KIAA1671: variants seen among roughly 807,000 people sequenced by gnomAD.
KIAA1671 encodes uncharacterized protein KIAA1671.
A neutral mutation model predicts 131.2 loss-of-function variants in KIAA1671; 52 were observed. That is an observed-to-expected ratio of 0.40 (90% CI 0.32 to 0.50). The LOEUF is 0.50. Ranked by LOEUF, KIAA1671 falls within the 20% of genes least tolerant of loss-of-function variation. The pLI is 0.73. For missense variants in KIAA1671, 2,360 were observed against 2,364.2 expected, an observed-to-expected ratio of 1.00 and a Z score of 0.04; for synonymous variants, 1,003 against 961.6, an observed-to-expected ratio of 1.04 and a Z score of -0.80.
chr22:25,042,473 T>G (rs933200666), intron 5 of KIAA1671, among the ~76,000 whole-genome samples: 1 of 147,204 alleles, frequency 6.8e-6, no homozygotes, highest in Non-Finnish European at 1.5e-5. Context: ...GTTTTTTTTT[T>G]TTTTTTTTTT....
At chr22:25,066,463 A>G (rs926412182) in intron 6 of KIAA1671, among the ~76,000 whole-genome samples, 6 of 152,152 alleles carry the variant, frequency 3.9e-5, no homozygotes, top group Non-Finnish European at 8.8e-5. Context: ...GCCCTTTTAT[A>G]TGGGCATCAG....
intron 6 of KIAA1671, 36 bp downstream of exon 6, chr22:25,049,400 G>A (rs200650823): frequency 1.3e-6 from 2 of 1,536,172 alleles, no homozygotes; most frequent in Admixed American, 3.9e-5. Context: ...GGATTGCACA[G>A]GGGTGCTGGT....
chr22:25,175,680 G>A (rs968126636), intron 8 of KIAA1671: 1 of 152,168 alleles, frequency 6.6e-6, no homozygotes, highest in Non-Finnish European at 1.5e-5. Context: ...ACGCTAAGTG[G>A]TTCCTTCTTG....
intron 6 of KIAA1671, among the ~76,000 whole-genome samples, chr22:25,121,406 G>C (rs970292453): frequency 2.7e-5 from 4 of 150,634 alleles, no homozygotes; most frequent in African/African-American, 9.8e-5. Flanking sequence ...AGCCTGCAGT[G>C]AGCCAAGATC....
At chr22:25,008,622 C>T (rs2123872889) in intron 1 of KIAA1671, among the ~76,000 whole-genome samples, 1 of 152,288 alleles carries the variant, frequency 6.6e-6, no homozygotes, top group South Asian at 2.1e-4. Context: ...CCTTGTTGTC[C>T]TCATCCATGA....
At chr22:25,115,995 C>T (rs1931635077) in intron 6 of KIAA1671, among the ~76,000 whole-genome samples, 2 of 152,102 alleles carry the variant, frequency 1.3e-5, no homozygotes, top group South Asian at 2.1e-4. Context: ...AGGCTGGTCT[C>T]GAACTCCTGA....
Position 25,032,669 on chromosome 22 carries a change from C to G in KIAA1671, c.1602C>G (p.Gly534=). The G allele has an allele frequency of 1.3e-6, 2 of 1,546,480 alleles. No homozygotes were observed. The highest frequency in any genetic ancestry group is 3.9e-5 in the Admixed American group (2 of 50,936). ...ATGAGAAGAGTGCTGAGCTGAGCGG[C>G]GAGTTTCCTAAGGAACCGAGAGAAA... ...VKYEKSAELS[G]EFPKEPREKQ... Residue 534 remains glycine, a synonymous_variant, in exon 4 of 13, where the codon GGC becomes GGG. Coordinates refer to ENST00000358431, the MANE Select transcript of KIAA1671 (RefSeq NM_001145206.2).
chr22:25,095,319 A>G (rs1930340863), intron 6 of KIAA1671, among the ~76,000 whole-genome samples: 1 of 152,194 alleles, frequency 6.6e-6, no homozygotes, highest in Non-Finnish European at 1.5e-5. Context: ...ATCTGGGAGC[A>G]AAAAACAATA....
rs1182115550 is a variant in KIAA1671 at position 24,998,565 on chromosome 22, A to C, written c.-207-27068A>C. On this transcript the variant is annotated intron_variant, in intron 1 of 12. Coordinates refer to ENST00000358431, the MANE Select transcript of KIAA1671 (RefSeq NM_001145206.2). ...AAACCCGTCTCTACTAAAAATACAA[A>C]AAAATTAGCTGGGCGTAGTGGCGGG... is the stretch of plus-strand genomic sequence containing the variant. Among the ~76,000 whole-genome samples the C allele has an allele frequency of 2.0e-5, 3 of 151,856 alleles. No homozygotes were observed. The East Asian group carries it at 5.8e-4, about 29-fold the overall frequency.
rs1172360933 is a variant in KIAA1671 at position 25,038,912 on chromosome 22, G to A, written c.1782G>A (p.Pro594=). The A allele has an allele frequency of 1.1e-5, 17 of 1,551,582 alleles. 1 individual carries two copies. In the South Asian group the frequency reaches 1.2e-4, roughly 11 times the overall value. Residue 594 remains proline (P), a synonymous_variant, in exon 5 of 13, where the codon CCG becomes CCA. Transcript: ENST00000358431. ...SCRGGSSVEA[P]CPSDVTPEDD... is the part of the protein sequence containing the mutation. Reference sequence around the variant, plus strand: ...GCGGTGGAAGCTCAGTGGAGGCCCCGTGCCCTTCTGACGTCACTCCAGAGG... The same window carrying A: ...GCGGTGGAAGCTCAGTGGAGGCCCCATGCCCTTCTGACGTCACTCCAGAGG...
intron 1 of KIAA1671, among the ~76,000 whole-genome samples, chr22:24,995,280 C>T (rs904367864): frequency 6.6e-6 from 1 of 151,870 alleles, no homozygotes; most frequent in Admixed American, 6.6e-5. Context: ...TCTCGATCTC[C>T]TGACCTCGTG....
intron 6 of KIAA1671, among the ~76,000 whole-genome samples, chr22:25,131,690 C>A (rs1402005739): frequency 6.6e-6 from 1 of 152,174 alleles, no homozygotes; most frequent in African/African-American, 2.4e-5. Flanking sequence ...CAGGGAGGAG[C>A]CCTGTGGTGG....
Position 25,029,210 on chromosome 22 carries a change from C to A in KIAA1671, c.1211C>A (p.Ser404Ter). 1 of 1,459,994 alleles carries A rather than the reference C, an allele frequency of 6.8e-7. No individual in the cohort carries two copies. Among genetic ancestry groups the A allele is most frequent in the Admixed American group, 2.7e-5 (1 of 36,916 alleles). The allele number at this position is 1,459,994 out of a possible 1,614,324, so 90.4% of individuals were successfully genotyped here. ...CCAGAGAAGGCTGCTGAGTCCCCCT[C>A]ACCCAGGCTGGGAAGGGGCCTAGAA... ...PEPEKAAESP[S>*]PRLGRGLELA... Residue 404 changes from serine to a stop codon, truncating the protein, a stop_gained, in exon 3 of 13, where the codon TCA (serine) becomes TAA (stop). Coordinates refer to ENST00000358431, the MANE Select transcript of KIAA1671 (RefSeq NM_001145206.2). LOFTEE classifies it high-confidence loss of function.
chr22:25,144,977 A>C (rs530801258), intron 6 of KIAA1671, among the ~76,000 whole-genome samples: 19 of 152,320 alleles, frequency 1.2e-4, no homozygotes, highest in African/African-American at 4.3e-4. Context: ...AATTCAGGGG[A>C]AAATGCCCTT....
At chr22:25,067,287 T>C (rs75544574) in intron 6 of KIAA1671, among the ~76,000 whole-genome samples, 1 of 88,610 alleles carries the variant, frequency 1.1e-5, no homozygotes, top group African/African-American at 3.8e-5. Flanking sequence ...GAACGTCTCT[T>C]TTTATTCTTA....
At chr22:25,067,114 C>T (rs912024181) in intron 6 of KIAA1671, among the ~76,000 whole-genome samples, 4 of 152,114 alleles carry the variant, frequency 2.6e-5, no homozygotes, top group African/African-American at 7.2e-5. Context: ...GCAGCTTCTC[C>T]TGGGGGTGTG....
rs976529911 is a variant in KIAA1671 at position 25,028,149 on chromosome 22, G to A, written c.150G>A (p.Ala50=). The change falls in exon 3 of 13, where the codon GCG becomes GCA. Residue 50 remains alanine, a synonymous_variant. Coordinates refer to ENST00000358431, the MANE Select transcript of KIAA1671 (RefSeq NM_001145206.2). ...CTCCCCCAGCCCGGATCTTGGAAGC[G>A]AAGAGCCCCCTGCGGAGCCCGGCCC... is the stretch of plus-strand genomic sequence containing the variant. ...SGAPPARILE[A]KSPLRSPARL... 4.9e-5 allele frequency: 76 copies of A among 1,550,940 alleles called. No homozygotes were observed. The highest frequency in any genetic ancestry group is 1.6e-4 in the Admixed American group (8 of 50,932).
chr22:25,093,824 T>TCTCTCTC lies in KIAA1671; in HGVS notation c.4530+44460_4530+44461insCTCTCTC, dbSNP rs1555877745. ...TCTCTCTCTCTCTGTCTCTCTCTCTTTCTCTCTCTGTCTGTCTCTCTCTCT... is the reference window on the plus strand; with the variant it reads ...TCTCTCTCTCTCTGTCTCTCTCTCTTCTCTCTCTCTCTCTCTGTCTGTCTCTCTCTCT... On this transcript the variant is annotated intron_variant, in intron 6 of 12. Coordinates refer to ENST00000358431, the MANE Select transcript of KIAA1671 (RefSeq NM_001145206.2). Among the ~76,000 whole-genome samples, 16 of 21,950 alleles carry TCTCTCTC rather than the reference T, an allele frequency of 7.3e-4. 2 individuals carry two copies. Among genetic ancestry groups the TCTCTCTC allele is most frequent in the South Asian group, 1.7e-3 (1 of 590 alleles). 14.4% of individuals were successfully genotyped at this position (21,950 alleles called of 152,430 possible). A position where few individuals can be genotyped will look rare whatever the true frequency, so the allele number is the denominator to read the frequency against.
At chr22:25,191,464 T>C (rs562510974) in intron 12 of KIAA1671, among the ~76,000 whole-genome samples, 25 of 152,178 alleles carry the variant, frequency 1.6e-4, no homozygotes, top group Non-Finnish European at 2.6e-4. Context: ...CCAGAAATGG[T>C]TACAGTTTTT....
Sources: allele counts gnomAD v4.1 joint callset (sites outside exome capture counted in the v4.1 genomes callset), GRCh38; gene constraint gnomAD v4.1.1; transcripts MANE v1.5; gene names NCBI Gene and HGNC (gene_info 2026-07-23, HGNC 2026-07-21).